TMEM38B: variants seen among roughly 807,000 people sequenced by gnomAD.
The protein encoded by TMEM38B is transmembrane protein 38B.
In TMEM38B, 24 loss-of-function variants were observed where a neutral mutation model predicts 28.7. The ratio of observed to expected loss-of-function variants is 0.84; its 90% CI spans 0.61 to 1.18. TMEM38B has a LOEUF of 1.18. Ranked by LOEUF, TMEM38B falls within the 50% of genes most tolerant of loss-of-function variation. TMEM38B has a pLI of 0.00. For missense variants in TMEM38B, 380 were observed against 350.9 expected, an observed-to-expected ratio of 1.08 and a Z score of -0.66; for synonymous variants, 131 against 127.7, an observed-to-expected ratio of 1.03 and a Z score of -0.17.
At chr9:105,733,421 CTTTT>C (rs71306454) in intron 4 of TMEM38B, among the ~76,000 whole-genome samples, 94 of 127,856 alleles carry the variant, frequency 7.4e-4, no homozygotes, top group African/African-American at 2.6e-3. Context: ...TTTCTTTTTT[CTTTT>C]TTTTTTTTTT....
chr9:105,759,261 G>T (rs1388408585), intron 5 of TMEM38B: 8 of 724,306 alleles, frequency 1.1e-5, no homozygotes, highest in Non-Finnish European at 1.7e-5. Flanking sequence ...CATAGTTTCA[G>T]ATAGATCCAG....
chr9:105,768,202 T>C (rs1331449426), intron 5 of TMEM38B, among the ~76,000 whole-genome samples: 1 of 152,174 alleles, frequency 6.6e-6, no homozygotes, highest in Non-Finnish European at 1.5e-5. Flanking sequence ...GGGTTTTCTC[T>C]TATATTCTGT....
chr9:105,773,032 C>G (rs779997584), intron 5 of TMEM38B, among the ~76,000 whole-genome samples: 6 of 151,998 alleles, frequency 3.9e-5, no homozygotes, highest in Non-Finnish European at 8.8e-5. Context: ...AAATTTGATC[C>G]CCAGAATTTC....
intron 5 of TMEM38B, among the ~76,000 whole-genome samples, chr9:105,772,342 C>G (rs1269964109): frequency 1.3e-5 from 2 of 152,150 alleles, no homozygotes; most frequent in Non-Finnish European, 2.9e-5. Flanking sequence ...GACCTCAGGT[C>G]CTTACAGCTT....
At chr9:105,745,359 C>A (rs143970371) in intron 4 of TMEM38B, among the ~76,000 whole-genome samples, 1 of 152,072 alleles carries the variant, frequency 6.6e-6, no homozygotes, top group Non-Finnish European at 1.5e-5. Flanking sequence ...ATTTTTTCAT[C>A]TGTCTGTTGG....
chr9:105,759,364 T>A (rs1837953025), intron 5 of TMEM38B: 10 of 1,306,936 alleles, frequency 7.7e-6, no homozygotes, highest in Non-Finnish European at 1.1e-5. Flanking sequence ...CTTCTCAGTC[T>A]GCTTCATAGA....
Position 105,694,781 on chromosome 9 carries a change from G to A in TMEM38B, c.112+9G>A, listed in dbSNP as rs775580917. 2.5e-6 allele frequency: 4 copies of A among 1,608,440 alleles called. No individual in the cohort carries two copies. Among genetic ancestry groups the A allele is most frequent in the African/African-American group, 1.3e-5 (1 of 74,532 alleles). On this transcript the variant is annotated intron_variant, in intron 1 of 5. Coordinates refer to ENST00000374692, the MANE Select transcript of TMEM38B (RefSeq NM_018112.3). Reference sequence around the variant, plus strand: ...GGTGAAACGTCAGCCGGGTGAGTGCGGGGCGCCGCGGGCCGGACCCCTCAG... The same window carrying A: ...GGTGAAACGTCAGCCGGGTGAGTGCAGGGCGCCGCGGGCCGGACCCCTCAG...
At chr9:105,758,278 A>G in intron 5 of TMEM38B, 2 of 678,886 alleles carry the variant, frequency 2.9e-6, no homozygotes, top group Non-Finnish European at 5.3e-6. Context: ...AGGCTCACAG[A>G]CGTTAAATCC....
At chr9:105,744,140 A>G (rs1307043800) in intron 4 of TMEM38B, among the ~76,000 whole-genome samples, 4 of 152,122 alleles carry the variant, frequency 2.6e-5, no homozygotes, top group Non-Finnish European at 5.9e-5. Context: ...TAATGGCTAA[A>G]ACCAGCAAAG....
Position 105,694,626 on chromosome 9 carries a change from C to T in TMEM38B, c.-35C>T, listed in dbSNP as rs376068936. The stretch of plus-strand genomic sequence containing the variant: ...CGCGCGAGCGCGGGGAACCAGTAGC[C>T]GCGGCTGCTTCGGTTGCCGCGGTCG... On this transcript the variant is annotated 5_prime_UTR_variant, in exon 1 of 6. Coordinates refer to ENST00000374692, the MANE Select transcript of TMEM38B (RefSeq NM_018112.3). The T allele has an allele frequency of 3.2e-6, 5 of 1,582,442 alleles. No homozygotes were observed. In the African/African-American group the frequency reaches 6.7e-5, roughly 21 times the overall value.
rs941345014 is a variant in TMEM38B at position 105,694,606 on chromosome 9, G to A, written c.-55G>A. 6 of 1,395,948 alleles carry A rather than the reference G, an allele frequency of 4.3e-6. No individual in the cohort carries two copies. Among genetic ancestry groups the A allele is most frequent in the African/African-American group, 1.5e-5 (1 of 67,890 alleles). The allele number at this position is 1,395,948 out of a possible 1,614,324, so 86.5% of individuals were successfully genotyped here. ...TGCCCTCTCCTACTCCTCACCGCGC[G>A]AGCGCGGGGAACCAGTAGCCGCGGC... is the stretch of plus-strand genomic sequence containing the variant. On this transcript the variant is annotated 5_prime_UTR_variant, in exon 1 of 6. Transcript: ENST00000374692.
chr9:105,748,145 G>A lies in TMEM38B; in HGVS notation c.615G>A (p.Lys205=), dbSNP rs1386972813. 4 of 1,613,536 alleles carry A rather than the reference G, an allele frequency of 2.5e-6. No individual in the cohort carries two copies. Among genetic ancestry groups the A allele is most frequent in the Admixed American group, 1.7e-5 (1 of 59,946 alleles). The stretch of plus-strand genomic sequence containing the variant: ...ACACCCAGCATCTGGCAATATCAAA[G>A]CATAATCTTATGTTCCTTTATACCA... The part of the protein sequence containing the change: ...FQHTQHLAIS[K]HNLMFLYTIF... Residue 205 remains lysine (K), a synonymous_variant, in exon 5 of 6, where the codon AAG becomes AAA. Transcript: ENST00000374692.
At chr9:105,702,050 G>A (rs1356186265) in intron 1 of TMEM38B, among the ~76,000 whole-genome samples, 1 of 151,956 alleles carries the variant, frequency 6.6e-6, no homozygotes, top group Non-Finnish European at 1.5e-5. Flanking sequence ...CCCCATCTCT[G>A]AAAAAATTTA....
At chr9:105,718,498 A>G (rs1014195023) in intron 2 of TMEM38B, among the ~76,000 whole-genome samples, 1 of 152,190 alleles carries the variant, frequency 6.6e-6, no homozygotes, top group African/African-American at 2.4e-5. Flanking sequence ...TTGGCCTCCC[A>G]AAGTGCTGGG....
chr9:105,753,137 A>G (rs1204077775), intron 5 of TMEM38B, among the ~76,000 whole-genome samples: 1 of 152,200 alleles, frequency 6.6e-6, no homozygotes, highest in African/African-American at 2.4e-5. Context: ...AATGAAAAAG[A>G]ATGAACAAAA....
At chr9:105,709,609 A>G (rs1353275258) in intron 2 of TMEM38B, among the ~76,000 whole-genome samples, 1 of 152,234 alleles carries the variant, frequency 6.6e-6, no homozygotes, top group Non-Finnish European at 1.5e-5. Flanking sequence ...TCAGCACTCA[A>G]TAAATATTTG....
chr9:105,698,497 T>C (rs981091421), intron 1 of TMEM38B, among the ~76,000 whole-genome samples: 1 of 152,138 alleles, frequency 6.6e-6, no homozygotes, highest in African/African-American at 2.4e-5. Context: ...GAGATCATAT[T>C]GTGTTTCCCA....
chr9:105,767,799 C>G (rs924589686), intron 5 of TMEM38B, among the ~76,000 whole-genome samples: 6 of 152,096 alleles, frequency 3.9e-5, no homozygotes, highest in African/African-American at 7.2e-5. Context: ...TATCCTGTGA[C>G]CTTGCTAAAT....
At chr9:105,724,647 G>A (rs1192861734) in intron 4 of TMEM38B, among the ~76,000 whole-genome samples, 1 of 150,408 alleles carries the variant, frequency 6.6e-6, no homozygotes, top group African/African-American at 2.5e-5. Flanking sequence ...AGAAGAAGGT[G>A]GAAAGGCAGT....
Sources: allele counts gnomAD v4.1 joint callset (sites outside exome capture counted in the v4.1 genomes callset), GRCh38; gene constraint gnomAD v4.1.1; transcripts MANE v1.5; gene names NCBI Gene and HGNC (gene_info 2026-07-23, HGNC 2026-07-21).